Variants in PCDHA2 observed in about 807,000 individuals in gnomAD.
The protein encoded by PCDHA2 is protocadherin alpha-2.
A neutral mutation model predicts 66.0 loss-of-function variants in PCDHA2; 58 were observed. The ratio of observed to expected loss-of-function variants is 0.88; its 90% CI spans 0.71 to 1.09. The LOEUF (loss-of-function observed/expected upper bound fraction) is 1.09, where lower values mean the gene tolerates loss of function less well. PCDHA2 is among the 50% of genes least tolerant of loss of function. The pLI is 0.00. For missense variants in PCDHA2, 1,267 were observed against 1,242.3 expected (o/e 1.02, Z -0.30); for synonymous variants, 634 against 554.0 (o/e 1.14, Z -2.03).
At chr5:140,883,106 T>C (rs782515785) in intron 1 of PCDHA2, 3 of 1,614,124 alleles carry the variant, frequency 1.9e-6, no homozygotes, top group Non-Finnish European at 2.5e-6. Context: ...TATAGTTTAC[T>C]CATTTAGAAG....
chr5:140,850,026 C>T (rs2150464054), intron 1 of PCDHA2: 2 of 1,596,828 alleles, frequency 1.3e-6, no homozygotes, highest in Non-Finnish European at 1.7e-6. Context: ...CGTGTCAGTG[C>T]ACGCGGAGAG....
At chr5:141,006,035 G>T (rs529655038) in intron 3 of PCDHA2, among the ~76,000 whole-genome samples, 7 of 151,222 alleles carry the variant, frequency 4.6e-5, no homozygotes, top group Admixed American at 2.0e-4. Flanking sequence ...GTAAGAGGGA[G>T]ATTTGTAGAT....
intron 1 of PCDHA2, among the ~76,000 whole-genome samples, chr5:140,899,599 C>G (rs535938234): frequency 2.0e-5 from 3 of 152,232 alleles, no homozygotes; most frequent in South Asian, 4.2e-4. Context: ...TTATTGAGGA[C>G]TTTTGCATCA....
chr5:140,841,146 C>T, intron 1 of PCDHA2: 1 of 755,204 alleles, frequency 1.3e-6, no homozygotes, highest in Non-Finnish European at 2.1e-6. Flanking sequence ...CACATGATGT[C>T]GCTGTCTACC....
chr5:140,877,341 C>G, intron 1 of PCDHA2: 3 of 1,614,010 alleles, frequency 1.9e-6, no homozygotes, highest in South Asian at 2.2e-5. Flanking sequence ...TCCCGTTCCA[C>G]GTGGGGCTGT....
chr5:140,806,023 A>C (rs1763668138), intron 1 of PCDHA2, among the ~76,000 whole-genome samples: 1 of 152,204 alleles, frequency 6.6e-6, no homozygotes, highest in Non-Finnish European at 1.5e-5. Flanking sequence ...TGCTTATAAG[A>C]GATAAATTAA....
At position 140,892,541 on chromosome 5, in the gene PCDHA2, T is replaced by C. The variant is rs192378744; in HGVS notation, c.2389-86408T>C. Among the ~76,000 whole-genome samples, 471 of 152,362 alleles carry C rather than the reference T, an allele frequency of 3.1e-3. 2 individuals are homozygous for C. Among genetic ancestry groups the C allele is most frequent in the African/African-American group, 0.011 (438 of 41,580 alleles). On this transcript the variant is annotated intron_variant, in intron 1 of 3. Coordinates refer to ENST00000526136, the MANE Select transcript of PCDHA2 (RefSeq NM_018905.3). ...CTGGTAGACTCAGGATTCTGACTTTTGTTTCTCTAGTCCTTGGAGACTGTC... is the reference window on the plus strand; with the variant it reads ...CTGGTAGACTCAGGATTCTGACTTTCGTTTCTCTAGTCCTTGGAGACTGTC...
At chr5:140,821,883 G>C in intron 1 of PCDHA2, 1 of 1,614,120 alleles carries the variant, frequency 6.2e-7, no homozygotes, top group East Asian at 2.2e-5. Flanking sequence ...CGATCCCGGA[G>C]GAAGCCAAAC....
At chr5:140,869,226 C>T (rs1428940405) in intron 1 of PCDHA2, 5 of 1,613,644 alleles carry the variant, frequency 3.1e-6, no homozygotes, top group African/African-American at 1.3e-5. Context: ...AGGCCAAACA[C>T]GGCACCTTCG....
chr5:140,831,488 T>TGG (rs60766535), intron 1 of PCDHA2, among the ~76,000 whole-genome samples: 58 of 148,696 alleles, frequency 3.9e-4, no homozygotes, highest in African/African-American at 1.2e-3. Context: ...GCCTCTGGAG[T>TGG]TACTACACAC....
At chr5:140,941,262 T>TTTCTCTTTCC in intron 1 of PCDHA2, among the ~76,000 whole-genome samples, 1 of 138,798 alleles carries the variant, frequency 7.2e-6, no homozygotes, top group Non-Finnish European at 1.6e-5. Context: ...TTTCTCTTTC[T>TTTCTCTTTCC]TTCTTTCTTT....
At chr5:140,925,382 C>A (rs2082461008) in intron 1 of PCDHA2, among the ~76,000 whole-genome samples, 1 of 152,078 alleles carries the variant, frequency 6.6e-6, no homozygotes, top group Non-Finnish European at 1.5e-5. Flanking sequence ...GTCAATGAGT[C>A]TCCTTTTGGC....
intron 1 of PCDHA2, chr5:140,823,861 A>C: frequency 6.2e-7 from 1 of 1,613,800 alleles, no homozygotes; most frequent in Non-Finnish European, 8.5e-7. Flanking sequence ...GGTGGATGTC[A>C]ACGTGTACCT....
chr5:140,857,681 G>C lies in PCDHA2; in HGVS notation c.2388+60329G>C, dbSNP rs2044790199. 3 of 1,596,838 alleles carry C rather than the reference G, an allele frequency of 1.9e-6. No individual in the cohort carries two copies. In the African/African-American group the frequency reaches 4.0e-5, roughly 22 times the overall value. The stretch of plus-strand genomic sequence containing the variant: ...GCGCGATGGGGGCGTGCCGCCTCTG[G>C]GCAGCAACTTGACGCTGCAGGTGTT... On this transcript the variant is annotated intron_variant, in intron 1 of 3. Transcript: ENST00000526136.
intron 1 of PCDHA2, among the ~76,000 whole-genome samples, chr5:140,921,752 C>T (rs1429216387): frequency 6.6e-6 from 1 of 152,130 alleles, no homozygotes; most frequent in Non-Finnish European, 1.5e-5. Context: ...TAACAGGACA[C>T]TTCTTGGCTA....
At chr5:140,870,941 C>A in intron 1 of PCDHA2, 1 of 1,613,712 alleles carries the variant, frequency 6.2e-7, no homozygotes, top group Non-Finnish European at 8.5e-7. Context: ...TTGCAGCCGG[C>A]GGCGGGCGGC....
chr5:140,920,817 C>A (rs1430508925), intron 1 of PCDHA2, among the ~76,000 whole-genome samples: 1 of 150,498 alleles, frequency 6.6e-6, no homozygotes, highest in African/African-American at 2.5e-5. Flanking sequence ...GCACTCCAGC[C>A]TGGCGACGGA....
chr5:140,808,115 T>C (rs782793067), intron 1 of PCDHA2: 1 of 1,614,098 alleles, frequency 6.2e-7, no homozygotes, highest in East Asian at 2.2e-5. Flanking sequence ...ATATATTGAC[T>C]TTGAAGAAAG....
Position 140,858,751 on chromosome 5 carries a change from G to A in PCDHA2, c.2388+61399G>A, listed in dbSNP as rs938240146. On this transcript the variant is annotated intron_variant, in intron 1 of 3. Coordinates refer to ENST00000526136, the MANE Select transcript of PCDHA2 (RefSeq NM_018905.3). ...CGATTTACTTTCATAATCACTTTTC[G>A]TTACAAATATTTGTGAGATTAGTAC... 35 of 456,172 alleles carry A rather than the reference G, an allele frequency of 7.7e-5. 1 individual carries two copies. In the East Asian group the frequency reaches 9.6e-4, roughly 13 times the overall value. 28.3% of individuals were successfully genotyped at this position (456,172 alleles called of 1,614,324 possible).
Sources: gnomAD v4.1 joint callset for allele counts (sites outside exome capture counted in the v4.1 genomes callset) on GRCh38, gnomAD v4.1.1 for gene constraint, MANE v1.5 for transcripts, NCBI Gene and HGNC (gene_info 2026-07-23, HGNC 2026-07-21) for gene names.